Variants in FBXO33 observed in about 807,000 individuals in gnomAD.
The protein encoded by FBXO33 is F-box only protein 33.
A neutral mutation model predicts 46.3 loss-of-function variants in FBXO33; 22 were observed. That is an observed-to-expected ratio of 0.48 (90% CI 0.34 to 0.68). The LOEUF (loss-of-function observed/expected upper bound fraction) is 0.68, where lower values mean the gene tolerates loss of function less well. Ranked by LOEUF, FBXO33 falls within the 30% of genes least tolerant of loss-of-function variation. The pLI is 0.01. For missense variants in FBXO33, 692 were observed against 708.8 expected (o/e 0.98, Z 0.27); for synonymous variants, 337 against 291.3 (o/e 1.16, Z -1.60).
intron 1 of FBXO33, among the ~76,000 whole-genome samples, chr14:39,425,818 G>C (rs1048498881): frequency 1.3e-5 from 2 of 152,218 alleles, no homozygotes; most frequent in African/African-American, 4.8e-5. Context: ...AATGTGGCTA[G>C]TGGAACTAAT....
At chr14:39,410,890 G>A (rs58357216) in intron 1 of FBXO33, among the ~76,000 whole-genome samples, 191 of 152,060 alleles carry the variant, frequency 1.3e-3, no homozygotes, top group African/African-American at 4.4e-3. Context: ...TTCACTTCGA[G>A]TCTTTTTTCT....
chr14:39,431,479 C>T lies in FBXO33; in HGVS notation c.599+85G>A, dbSNP rs530458416. The T allele has an allele frequency of 1.3e-5, 20 of 1,584,280 alleles. No individual in the cohort carries two copies. The African/African-American group carries it at 2.3e-4, about 18-fold the overall frequency. ...AGGCAACACTGAAGTTGGCCGGGCA[C>T]GTATTATGCACAGAATCTGTGTCGG... On this transcript the variant is annotated intron_variant, in intron 1 of 3. Coordinates refer to ENST00000298097, the MANE Select transcript of FBXO33 (RefSeq NM_203301.4).
chr14:39,420,153 A>G (rs2139415820), intron 1 of FBXO33, among the ~76,000 whole-genome samples: 1 of 152,342 alleles, frequency 6.6e-6, no homozygotes, highest in African/African-American at 2.4e-5. Context: ...TGTGCCAATG[A>G]CATGAAAAGT....
chr14:39,431,474 G>T (rs962653791), intron 1 of FBXO33, 90 bp downstream of exon 1: 90 of 1,576,396 alleles, frequency 5.7e-5, no homozygotes, highest in Non-Finnish European at 7.0e-5. Context: ...GAAGTTGGCC[G>T]GGCACGTATT....
In FBXO33 at chr14:39,404,818, A is replaced by G. The variant is rs1451899547; in HGVS notation, c.600-2307T>C. 2.0e-5 allele frequency among the ~76,000 whole-genome samples: 3 copies of G among 152,172 alleles called. No homozygotes were observed. In the East Asian group the frequency reaches 5.8e-4, roughly 29 times the overall value. ...GTAGAGGTAGACAGGGTTCTATGTC[A>G]AAGAAAAAATTTTGTAAGCTGCTCA... On this transcript the variant is annotated intron_variant, in intron 1 of 3. Coordinates refer to ENST00000298097, the MANE Select transcript of FBXO33 (RefSeq NM_203301.4).
intron 1 of FBXO33, among the ~76,000 whole-genome samples, chr14:39,407,837 G>A (rs897944407): frequency 2.6e-5 from 4 of 152,076 alleles, no homozygotes; most frequent in Non-Finnish European, 4.4e-5. Flanking sequence ...TGGATCATAC[G>A]GCAGTGCTAT....
Position 39,401,638 on chromosome 14 carries a change from C to G in FBXO33, c.934G>C (p.Ala312Pro). The G allele has an allele frequency of 6.2e-7, 1 of 1,614,156 alleles. No individual in the cohort carries two copies. The highest frequency in any genetic ancestry group is 8.5e-7 in the Non-Finnish European group (1 of 1,180,024). The change falls in exon 3 of 4, where the codon GCC becomes CCC. Residue 312 changes from alanine to proline, a missense_variant. This residue lies in a region of FBXO33 where 186 missense variants were observed against 246.1 expected (regional missense o/e 0.76). Transcript: ENST00000298097. ...LERFVNLHSL[A>P]LDFCDFTAEM... ...GCTGTAAAGTCACAAAAATCCAAGGCAAGTGAGTGCAGATTCACAAATCGC... is the reference window on the plus strand; with the variant it reads ...GCTGTAAAGTCACAAAAATCCAAGGGAAGTGAGTGCAGATTCACAAATCGC...
At chr14:39,424,472 T>C (rs796476640) in intron 1 of FBXO33, among the ~76,000 whole-genome samples, 5 of 152,204 alleles carry the variant, frequency 3.3e-5, no homozygotes, top group African/African-American at 1.2e-4. Flanking sequence ...AAAATATTTG[T>C]TGAATAGTGT....
chr14:39,419,480 A>G (rs552871589), intron 1 of FBXO33, among the ~76,000 whole-genome samples: 2 of 152,326 alleles, frequency 1.3e-5, no homozygotes, highest in Admixed American at 6.5e-5. Context: ...TGTTTCAGAT[A>G]GTAAAGAGAC....
At chr14:39,407,585 A>G (rs572669147) in intron 1 of FBXO33, among the ~76,000 whole-genome samples, 1 of 152,372 alleles carries the variant, frequency 6.6e-6, no homozygotes, top group Non-Finnish European at 1.5e-5. Context: ...TTCATGTAGC[A>G]TAATGTCCTG....
intron 1 of FBXO33, among the ~76,000 whole-genome samples, chr14:39,418,060 C>CTAT (rs1293206244): frequency 2.6e-5 from 4 of 151,576 alleles, no homozygotes; most frequent in Admixed American, 6.6e-5. Context: ...TTCAAATTTT[C>CTAT]TATTATTATT....
At chr14:39,425,293 T>C (rs190944252) in intron 1 of FBXO33, among the ~76,000 whole-genome samples, 375 of 152,310 alleles carry the variant, frequency 2.5e-3, no homozygotes, top group African/African-American at 8.6e-3. Context: ...GTAAACTTTG[T>C]TAAGTTTCTT....
intron 3 of FBXO33, 91 bp downstream of exon 3, chr14:39,401,085 G>T: frequency 8.7e-7 from 1 of 1,154,130 alleles, no homozygotes; most frequent in Non-Finnish European, 1.2e-6. Context: ...AAGATTTCTT[G>T]ATACTATAAA....
At chr14:39,416,832 C>CT (rs1038989778) in intron 1 of FBXO33, among the ~76,000 whole-genome samples, 15 of 152,076 alleles carry the variant, frequency 9.9e-5, no homozygotes, top group East Asian at 5.8e-4. Flanking sequence ...AATACATCCA[C>CT]TTTTTTTTAA....
Position 39,401,554 on chromosome 14 carries a change from G to A in FBXO33, c.1018C>T (p.Leu340=). ...TGCATTACAGAAACATTGTGAACCAGAAGAGACAGTCGTTGCAAAGGCACA... is the reference window on the plus strand; with the variant it reads ...TGCATTACAGAAACATTGTGAACCAAAAGAGACAGTCGTTGCAAAGGCACA... ...NHVPLQRLSL[L]VHNVSVMHKS... is the part of the protein sequence containing the mutation. Residue 340 remains leucine, a synonymous_variant, in exon 3 of 4, where the codon CTG becomes TTG. Coordinates refer to ENST00000298097, the MANE Select transcript of FBXO33 (RefSeq NM_203301.4). 1.9e-6 allele frequency: 3 copies of A among 1,614,152 alleles called. No homozygotes were observed. Among genetic ancestry groups the A allele is most frequent in the Non-Finnish European group, 2.5e-6 (3 of 1,180,030 alleles).
At chr14:39,412,565 A>T (rs1449864229) in intron 1 of FBXO33, among the ~76,000 whole-genome samples, 1 of 152,188 alleles carries the variant, frequency 6.6e-6, no homozygotes, top group Non-Finnish European at 1.5e-5. Context: ...ATAATAGGTA[A>T]AGACTTACTA....
intron 1 of FBXO33, among the ~76,000 whole-genome samples, chr14:39,417,632 G>C (rs1318630013): frequency 6.6e-6 from 1 of 152,044 alleles, no homozygotes; most frequent in Non-Finnish European, 1.5e-5. Flanking sequence ...CTGGGTTCAA[G>C]CAATTCTCCT....
In FBXO33 at chr14:39,399,434, G is replaced by A; in HGVS notation, c.*82C>T. On this transcript the variant is annotated 3_prime_UTR_variant, in exon 4 of 4. Transcript: ENST00000298097. ...ATACTGATTAAACACAGCACAAAAG[G>A]ATTAATTCACACTACTGAAAAAAAA... The A allele has an allele frequency of 8.2e-7, 1 of 1,213,058 alleles. No homozygotes were observed. The highest frequency in any genetic ancestry group is 2.4e-5 in the East Asian group (1 of 41,138). The allele number at this position is 1,213,058 out of a possible 1,614,324, so 75.1% of individuals were successfully genotyped here. A position where few individuals can be genotyped will look rare whatever the true frequency, so the allele number is the denominator to read the frequency against.
rs374527331 is a variant in FBXO33, at chr14:39,406,360, C to G, written c.600-3849G>C. The stretch of plus-strand genomic sequence containing the variant: ...TCATTTATTTGGTGGTATTAAAATA[C>G]ACATGTAAGAGACTTTTACTTCTTC... On this transcript the variant is annotated intron_variant, in intron 1 of 3. Coordinates refer to ENST00000298097, the MANE Select transcript of FBXO33 (RefSeq NM_203301.4). Among the ~76,000 whole-genome samples the G allele has an allele frequency of 2.5e-4, 38 of 152,222 alleles. No homozygotes were observed. The East Asian group carries it at 5.8e-3, about 23-fold the overall frequency.
Sources: gnomAD v4.1 joint callset for allele counts (sites outside exome capture counted in the v4.1 genomes callset) on GRCh38, gnomAD v4.1.1 for gene constraint, gnomAD v4.1.1 regional missense constraint, MANE v1.5 for transcripts, NCBI Gene and HGNC (gene_info 2026-07-23, HGNC 2026-07-21) for gene names.